The following VPS35L variants were observed in gnomAD, a reference collection of about 807,000 sequenced individuals.
VPS35L encodes the protein VPS35 endosomal protein sorting factor like.
VPS35L carries 83 observed loss-of-function variants against 133.0 expected under a neutral mutation model. That is an observed-to-expected ratio of 0.62 (90% confidence interval 0.52 to 0.75). The LOEUF (loss-of-function observed/expected upper bound fraction) is 0.75, where lower values mean the gene tolerates loss of function less well. Ranked by LOEUF, VPS35L falls within the 30% of genes least tolerant of loss-of-function variation. The pLI is 0.00. For synonymous variants in VPS35L, 423 were observed against 449.9 expected (o/e 0.94, Z 0.76); for missense variants, 1,083 against 1,206.8 (o/e 0.90, Z 1.52).
At position 19,639,909 on chromosome 16, in the gene VPS35L, G is replaced by C; in HGVS notation, c.1699-106G>C. The C allele has an allele frequency of 1.1e-6, 1 of 922,832 alleles. No individual in the cohort carries two copies. 57.2% of individuals were successfully genotyped at this position (922,832 alleles called of 1,614,324 possible). On this transcript the variant is annotated intron_variant, in intron 20 of 30. Transcript: ENST00000417362. This position sits in a 1 kb window ranked among gnomAD's most constrained non-coding sequence, Gnocchi z 4.1. ...CTCATCTGACCCGACTCAGAGAGAT[G>C]AACCTCTGTTCTGCTTCTTTGAACT...
chr16:19,617,001 C>T (rs1213176558), intron 14 of VPS35L, 193 bp downstream of exon 14: 2 of 817,318 alleles, frequency 2.4e-6, no homozygotes, highest in African/African-American at 1.7e-5. Context: ...CTCATTTTGA[C>T]AGCTGTGGAA....
At chr16:19,607,625 C>T (rs994579043) in intron 9 of VPS35L, among the ~76,000 whole-genome samples, 1 of 152,212 alleles carries the variant, frequency 6.6e-6, no homozygotes, top group Non-Finnish European at 1.5e-5. Context: ...CCTCAGAGGC[C>T]TTGTTTTACC....
chr16:19,605,050 G>A (rs1384855455), intron 9 of VPS35L, among the ~76,000 whole-genome samples: 1 of 152,208 alleles, frequency 6.6e-6, no homozygotes, highest in Non-Finnish European at 1.5e-5. Context: ...TGTGGCTGAT[G>A]TGGGCCACAT....
intron 4 of VPS35L, 106 bp from the exon 5 acceptor site, chr16:19,574,992 T>C: frequency 1.1e-6 from 1 of 951,108 alleles, no homozygotes; most frequent in South Asian, 1.7e-5. Context: ...TTTTTCTTCT[T>C]TGAATATATA....
chr16:19,581,596 G>T lies in VPS35L; in HGVS notation c.582G>T (p.Ser194=), dbSNP rs779559790. ...YVNRIEELNQ[S]LKDAWASDQK... is the part of the protein sequence containing the mutation. ...ACCGCATAGAGGAGCTCAACCAATCGCTGAAGGATGCCTGGGCCTCAGACC... is the reference window on the plus strand; with the variant it reads ...ACCGCATAGAGGAGCTCAACCAATCTCTGAAGGATGCCTGGGCCTCAGACC... Residue 194 remains serine, a synonymous_variant, in exon 7 of 31, where the codon TCG becomes TCT. Coordinates refer to ENST00000417362, the MANE Select transcript of VPS35L (RefSeq NM_020314.7). 9.3e-6 allele frequency: 15 copies of T among 1,614,054 alleles called. No homozygotes were observed. The African/African-American group carries it at 9.3e-5, about 10-fold the overall frequency.
In VPS35L at chr16:19,620,446, G is replaced by A. The variant is rs555530539; in HGVS notation, c.1224+3638G>A. ...ATGCATTATAGTTATGTAAATGGGA[G>A]AAGCTGGGTGGTGGGTACCCAGGAC... On this transcript the variant is annotated intron_variant, in intron 14 of 30. Transcript: ENST00000417362. Among the ~76,000 whole-genome samples, 7 of 152,262 alleles carry A rather than the reference G, an allele frequency of 4.6e-5. No homozygotes were observed. In the South Asian group the frequency reaches 1.5e-3, roughly 32 times the overall value.
chr16:19,689,437 AT>A (rs1343495486), intron 28 of VPS35L, among the ~76,000 whole-genome samples: 1 of 151,680 alleles, frequency 6.6e-6, no homozygotes, highest in African/African-American at 2.4e-5. Context: ...TGCCCAGCTG[AT>A]TTTTTGTATT....
chr16:19,628,561 CTCTTT>C (rs1318593445), intron 16 of VPS35L, 71 bp from the exon 17 acceptor site: 18 of 813,728 alleles, frequency 2.2e-5, no homozygotes, highest in South Asian at 1.1e-4. Context: ...ACAACCTTTT[CTCTTT>C]TCTTTTCTTT....
At chr16:19,592,599 C>G (rs942767195) in intron 8 of VPS35L, among the ~76,000 whole-genome samples, 19 of 152,076 alleles carry the variant, frequency 1.2e-4, no homozygotes, top group African/African-American at 2.9e-4. Context: ...CATCTTCCCC[C>G]ACATGCCCAT....
chr16:19,623,221 G>A (rs1176737688), intron 14 of VPS35L, among the ~76,000 whole-genome samples: 6 of 152,058 alleles, frequency 3.9e-5, no homozygotes, highest in Non-Finnish European at 8.8e-5. Flanking sequence ...ACCCAGACTA[G>A]GAGCTTAAAC....
At chr16:19,602,505 C>T (rs1972416666) in intron 9 of VPS35L, among the ~76,000 whole-genome samples, 1 of 151,948 alleles carries the variant, frequency 6.6e-6, no homozygotes, top group African/African-American at 2.4e-5. Flanking sequence ...TTATTCCTCC[C>T]TCTCTCTCCT....
intron 8 of VPS35L, among the ~76,000 whole-genome samples, chr16:19,597,125 T>G (rs1597343543): frequency 6.6e-6 from 1 of 151,914 alleles, no homozygotes; most frequent in Admixed American, 6.6e-5. Flanking sequence ...TCCCAGCACT[T>G]TGGGAGGCTG....
At chr16:19,669,376 A>G in intron 27 of VPS35L, 77 bp downstream of exon 27, 1 of 1,452,264 alleles carries the variant, frequency 6.9e-7, no homozygotes, top group Non-Finnish European at 9.3e-7. Flanking sequence ...TCTTAGGCCT[A>G]AAACTGCAGG....
At chr16:19,602,030 C>T (rs1014649572) in intron 9 of VPS35L, among the ~76,000 whole-genome samples, 1 of 151,750 alleles carries the variant, frequency 6.6e-6, no homozygotes, top group African/African-American at 2.4e-5. Context: ...TCCTATGTAT[C>T]GTTCCCTCCT....
At chr16:19,636,406 G>A (rs539630103) in intron 19 of VPS35L, among the ~76,000 whole-genome samples, 3 of 152,186 alleles carry the variant, frequency 2.0e-5, no homozygotes, top group East Asian at 3.9e-4. Flanking sequence ...AAAAAATCCT[G>A]TCTTTTAAAA....
intron 26 of VPS35L, among the ~76,000 whole-genome samples, chr16:19,666,911 TCTTTCTTTCTTTCTTTCTTTCTTC>T (rs1974693301): frequency 1.9e-5 from 1 of 53,944 alleles, no homozygotes; most frequent in East Asian, 4.7e-4. Context: ...TTTCTTTCTT[TCTTTCTTTCTTTCTTTCTTTCTTC>T]CTTTCTTCCT....
intron 7 of VPS35L, among the ~76,000 whole-genome samples, chr16:19,585,504 C>T (rs981666112): frequency 6.6e-6 from 1 of 151,144 alleles, no homozygotes; most frequent in Non-Finnish European, 1.5e-5. Context: ...TGGCCTCAAG[C>T]GATCCTCCCG....
chr16:19,592,710 G>A (rs1597338654), intron 8 of VPS35L, among the ~76,000 whole-genome samples: 1 of 146,232 alleles, frequency 6.8e-6, no homozygotes, highest in East Asian at 2.0e-4. Context: ...TTTTTTTGGA[G>A]ATAAAGTCTC....
chr16:19,556,530 A>G (rs1034732296), intron 1 of VPS35L, among the ~76,000 whole-genome samples: 7 of 152,188 alleles, frequency 4.6e-5, no homozygotes, highest in African/African-American at 1.7e-4. Context: ...GAAGAACTTG[A>G]GGAAGTTGTG....
Sources: allele counts gnomAD v4.1 joint callset (sites outside exome capture counted in the v4.1 genomes callset), GRCh38; gene constraint gnomAD v4.1.1; non-coding constraint Gnocchi (gnomAD v3.1); transcripts MANE v1.5; gene names NCBI Gene and HGNC (gene_info 2026-07-23, HGNC 2026-07-21).